Variants in EPB41L2 observed in about 807,000 individuals in gnomAD.
EPB41L2 encodes the protein erythrocyte membrane protein band 4.1 like 2, also known as band 4.1-like protein 2.
A neutral mutation model predicts 113.0 loss-of-function variants in EPB41L2; 43 were observed. The ratio of observed to expected loss-of-function variants is 0.38; its 90% confidence interval spans 0.30 to 0.49. The LOEUF is 0.49. Among genes scored for constraint, EPB41L2 ranks in the 20% least tolerant of loss-of-function variants. The pLI is 0.95. For synonymous variants in EPB41L2, 442 were observed against 436.7 expected (o/e 1.01, Z -0.15); for missense variants, 1,147 against 1,223.4 (o/e 0.94, Z 0.93).
intron 1 of EPB41L2, among the ~76,000 whole-genome samples, chr6:131,007,781 G>C (rs2128721397): frequency 6.6e-6 from 1 of 152,322 alleles, no homozygotes; most frequent in South Asian, 2.1e-4. Flanking sequence ...GTGGAACTTT[G>C]AACTTAAGAG....
chr6:130,957,077 T>A (rs1245379041), intron 1 of EPB41L2, among the ~76,000 whole-genome samples: 1 of 152,172 alleles, frequency 6.6e-6, no homozygotes, highest in Non-Finnish European at 1.5e-5. Context: ...CAATATTAAA[T>A]CCCGTAATTC....
chr6:130,918,660 A>G (rs758316751), intron 4 of EPB41L2, among the ~76,000 whole-genome samples: 14 of 152,202 alleles, frequency 9.2e-5, no homozygotes, highest in Admixed American at 4.6e-4. Context: ...ACCATGAGAG[A>G]TATAGTACTG....
At chr6:130,953,324 A>G (rs764563265) in intron 3 of EPB41L2, among the ~76,000 whole-genome samples, 14 of 152,150 alleles carry the variant, frequency 9.2e-5, no homozygotes, top group Non-Finnish European at 2.1e-4. Context: ...TGTTAAAAAG[A>G]GCAGGAGAAG....
At chr6:131,025,702 T>C (rs1451826629) in intron 1 of EPB41L2, among the ~76,000 whole-genome samples, 2 of 152,210 alleles carry the variant, frequency 1.3e-5, no homozygotes, top group African/African-American at 2.4e-5. Context: ...GTTGGTAGAT[T>C]GATCCCTGTC....
chr6:131,045,130 G>A (rs1022032350), intron 1 of EPB41L2, among the ~76,000 whole-genome samples: 1 of 152,094 alleles, frequency 6.6e-6, no homozygotes, highest in Non-Finnish European at 1.5e-5. Flanking sequence ...TCTACGGCTA[G>A]TTCTTCAGGT....
intron 1 of EPB41L2, among the ~76,000 whole-genome samples, chr6:130,966,180 T>C (rs923238928): frequency 2.6e-5 from 4 of 152,176 alleles, no homozygotes; most frequent in Non-Finnish European, 4.4e-5. Context: ...GATATATCTG[T>C]GCATATGTAA....
At chr6:130,915,908 A>T (rs1215579619) in intron 4 of EPB41L2, among the ~76,000 whole-genome samples, 1 of 152,186 alleles carries the variant, frequency 6.6e-6, no homozygotes, top group East Asian at 1.9e-4. Context: ...GCCATGTGGA[A>T]TTGTAAACCT....
chr6:130,864,690 T>A (rs965357821), intron 17 of EPB41L2, among the ~76,000 whole-genome samples: 2 of 152,232 alleles, frequency 1.3e-5, no homozygotes, highest in Non-Finnish European at 2.9e-5. Context: ...ACCAGGCTTA[T>A]CACTATGCTT....
At chr6:131,029,819 C>A (rs554401227) in intron 1 of EPB41L2, among the ~76,000 whole-genome samples, 1 of 152,108 alleles carries the variant, frequency 6.6e-6, no homozygotes, top group Non-Finnish European at 1.5e-5. Context: ...TGCCACAATA[C>A]CTGAAAGCCC....
rs57293132 is a variant in EPB41L2 at position 130,972,937 on chromosome 6, CAAAAAAAAAAAAAA to C, written c.-14-16452_-14-16439del. On this transcript the variant is annotated intron_variant, in intron 1 of 19. Transcript: ENST00000337057. The stretch of plus-strand genomic sequence containing the variant: ...TGAAACCCCATCTCTACTAAAGATA[CAAAAAAAAAAAAAA>C]AAAAAAAAAAAACAGCCGGGTGTGG... Among the ~76,000 whole-genome samples, 18 of 59,514 alleles carry C rather than the reference CAAAAAAAAAAAAAA, an allele frequency of 3.0e-4. 1 individual carries two copies. Among genetic ancestry groups the C allele is most frequent in the East Asian group, 1.8e-3 (3 of 1,696 alleles). 39.0% of individuals were successfully genotyped at this position (59,514 alleles called of 152,430 possible).
At chr6:131,040,563 T>G (rs1441239855) in intron 1 of EPB41L2, among the ~76,000 whole-genome samples, 1 of 152,200 alleles carries the variant, frequency 6.6e-6, no homozygotes, top group African/African-American at 2.4e-5. Context: ...AAATCACCAA[T>G]GGATACTAAC....
At chr6:131,052,678 G>A (rs1796800608) in intron 1 of EPB41L2, among the ~76,000 whole-genome samples, 1 of 152,126 alleles carries the variant, frequency 6.6e-6, no homozygotes, top group South Asian at 2.1e-4. Flanking sequence ...TTGGAAATTG[G>A]AAGAGAGGAG....
At chr6:130,847,304 T>G (rs1308609149) in intron 19 of EPB41L2, among the ~76,000 whole-genome samples, 1 of 152,222 alleles carries the variant, frequency 6.6e-6, no homozygotes, top group East Asian at 1.9e-4. Flanking sequence ...ATTTCTCCTG[T>G]CAACTTCCAC....
rs562583101 is a variant in EPB41L2, at chr6:130,840,476, T to G, written c.*128A>C. On this transcript the variant is annotated 3_prime_UTR_variant, in exon 20 of 20. Coordinates refer to ENST00000337057, the MANE Select transcript of EPB41L2 (RefSeq NM_001431.4). ...GTGTTGGCATTTTAATTCTTCAGGC[T>G]TCTGGTCATTGTTACCAGTTGTAGC... is the stretch of plus-strand genomic sequence containing the variant. 1 of 152,310 alleles carries G rather than the reference T, an allele frequency of 6.6e-6. No homozygotes were observed. Among genetic ancestry groups the G allele is most frequent in the African/African-American group, 2.4e-5 (1 of 41,564 alleles). The allele number at this position is 152,310 out of a possible 1,614,324, so 9.4% of individuals were successfully genotyped here. A position where few individuals can be genotyped will look rare whatever the true frequency, so the allele number is the denominator to read the frequency against.
intron 11 of EPB41L2, among the ~76,000 whole-genome samples, chr6:130,886,431 G>A (rs1791003544): frequency 6.6e-6 from 1 of 152,014 alleles, no homozygotes; most frequent in African/African-American, 2.4e-5. Context: ...CTCAACACCA[G>A]CAAGTCCAAC....
chr6:131,028,536 A>G (rs1791365365), intron 1 of EPB41L2, among the ~76,000 whole-genome samples: 1 of 152,220 alleles, frequency 6.6e-6, no homozygotes, highest in Non-Finnish European at 1.5e-5. Flanking sequence ...CTGATTCCAT[A>G]CTTTGAACAC....
intron 1 of EPB41L2, among the ~76,000 whole-genome samples, chr6:130,968,404 TAAACCTCATAAAAA>T (rs1775891154): frequency 6.6e-6 from 1 of 152,190 alleles, no homozygotes; most frequent in Non-Finnish European, 1.5e-5. Flanking sequence ...CATAAATACC[TAAACCTCATAAAAA>T]AATATAATTC....
At chr6:131,039,112 T>TA (rs1163997353) in intron 1 of EPB41L2, among the ~76,000 whole-genome samples, 3 of 152,224 alleles carry the variant, frequency 2.0e-5, no homozygotes, top group Non-Finnish European at 4.4e-5. Flanking sequence ...CTCATCTGTT[T>TA]ACCCAAACCA....
chr6:131,007,816 A>C (rs1012360839), intron 1 of EPB41L2, among the ~76,000 whole-genome samples: 8 of 152,226 alleles, frequency 5.3e-5, no homozygotes, highest in Non-Finnish European at 1.2e-4. Flanking sequence ...ATCTGGTGGA[A>C]GAAATTTCCA....
Sources: gnomAD v4.1 joint callset for allele counts (sites outside exome capture counted in the v4.1 genomes callset) on GRCh38, gnomAD v4.1.1 for gene constraint, MANE v1.5 for transcripts, NCBI Gene and HGNC (gene_info 2026-07-23, HGNC 2026-07-21) for gene names.